The following SCARA3 variants were observed in gnomAD, a reference collection of about 807,000 sequenced individuals.
SCARA3 encodes the protein scavenger receptor class A member 3.
Under a neutral mutation model 47.0 loss-of-function variants are expected in SCARA3, and 39 were observed. The observed-to-expected ratio is 0.83, with a 90% confidence interval of 0.64 to 1.08. SCARA3 has a LOEUF of 1.08. Among genes scored for constraint, SCARA3 ranks in the 50% least tolerant of loss-of-function variants. The pLI is 0.00. For missense variants in SCARA3, 724 were observed against 792.3 expected (o/e 0.91, Z 1.04); for synonymous variants, 356 against 334.1 (o/e 1.07, Z -0.71).
chr8:27,672,139 T>C lies in SCARA3; in HGVS notation c.*788T>C, dbSNP rs1290538250. 2 of 985,338 alleles carry C rather than the reference T, an allele frequency of 2.0e-6. No homozygotes were observed. Among genetic ancestry groups the C allele is most frequent in the African/African-American group, 3.5e-5 (2 of 57,232 alleles). 61.0% of individuals were successfully genotyped at this position (985,338 alleles called of 1,614,324 possible). On this transcript the variant is annotated 3_prime_UTR_variant, in exon 6 of 6. Coordinates refer to ENST00000301904, the MANE Select transcript of SCARA3 (RefSeq NM_016240.3). ...GACCAGCATACCCGGGAGCTGTCCC[T>C]GTCTGTCACAGCACAGTGGGGCCAC...
rs1290093639 is a variant in SCARA3, at chr8:27,672,252, A to G, written c.*901A>G. 4.1e-6 allele frequency: 4 copies of G among 985,364 alleles called. No individual in the cohort carries two copies. The highest frequency in any genetic ancestry group is 4.8e-6 in the Non-Finnish European group (4 of 829,998). The allele number at this position is 985,364 out of a possible 1,614,324, so 61.0% of individuals were successfully genotyped here. On this transcript the variant is annotated 3_prime_UTR_variant, in exon 6 of 6. Coordinates refer to ENST00000301904, the MANE Select transcript of SCARA3 (RefSeq NM_016240.3). ...ACGTGTCCAGAAAATTCCTCAATTC[A>G]TCCTTGCCTCTGCCCTTCAGGAGCA...
At chr8:27,730,608 T>C in the SCARA3 span, among the ~76,000 whole-genome samples, 1 of 151,852 alleles carries the variant, frequency 6.6e-6, no homozygotes, top group Non-Finnish European at 1.5e-5. Flanking sequence ...CTCAGCCTCC[T>C]GCGTAGGTGG....
intron 5 of SCARA3, among the ~76,000 whole-genome samples, chr8:27,660,416 ATGATTGAT>A (rs370354010): frequency 6.6e-6 from 1 of 151,870 alleles, no homozygotes; most frequent in South Asian, 2.1e-4. Flanking sequence ...GGATATATAG[ATGATTGAT>A]TGATTGATTG....
chr8:27,724,021 C>T, the SCARA3 span, among the ~76,000 whole-genome samples: 1 of 152,348 alleles, frequency 6.6e-6, no homozygotes, highest in Non-Finnish European at 1.5e-5. Context: ...TAGGCGCAAG[C>T]CACTGCACCT....
intron 1 of SCARA3, among the ~76,000 whole-genome samples, chr8:27,634,467 C>A (rs1801206304): frequency 6.6e-6 from 1 of 152,170 alleles, no homozygotes; most frequent in South Asian, 2.1e-4. Context: ...TCTAACCTCA[C>A]AAATAATTTT....
chr8:27,660,827 AAGATAGCTAGCTAGCTAGATAGATAGAT>A (rs1327654058), intron 5 of SCARA3, among the ~76,000 whole-genome samples: 4 of 88,870 alleles, frequency 4.5e-5, no homozygotes, highest in Non-Finnish European at 7.7e-5. Context: ...ATATAGATAG[AAGATAGCTAGCTAGCTAGATAGATAGAT>A]AGATAGATAG....
chr8:27,641,469 G>A (rs1447023809), intron 1 of SCARA3, among the ~76,000 whole-genome samples: 2 of 152,234 alleles, frequency 1.3e-5, no homozygotes, highest in African/African-American at 4.8e-5. Context: ...CAGATGGCAG[G>A]ACTTGGCTGA....
the SCARA3 span, among the ~76,000 whole-genome samples, chr8:27,715,699 C>G: frequency 6.6e-6 from 1 of 151,966 alleles, no homozygotes; most frequent in Admixed American, 6.6e-5. The surrounding 1 kb of genome is among the most constrained non-coding windows in gnomAD (Gnocchi z 4.2). Flanking sequence ...TTGATAGACA[C>G]AGGCAGACAG....
At position 27,633,903 on chromosome 8, in the gene SCARA3, G is replaced by A. The variant is rs1801188241; in HGVS notation, c.-298G>A. 6 of 156,444 alleles carry A rather than the reference G, an allele frequency of 3.8e-5. No homozygotes were observed. In the South Asian group the frequency reaches 1.1e-3, roughly 28 times the overall value. 9.7% of individuals were successfully genotyped at this position (156,444 alleles called of 1,614,324 possible). A position where few individuals can be genotyped will look rare whatever the true frequency, so the allele number is the denominator to read the frequency against. On this transcript the variant is annotated 5_prime_UTR_variant, in exon 1 of 6. Coordinates refer to ENST00000301904, the MANE Select transcript of SCARA3 (RefSeq NM_016240.3). ...GTGCGCGGGGCGAGGGGCGGCGGCA[G>A]ACCTCGCGGGGCCCCAGCGGGAAGC...
chr8:27,648,944 G>A (rs1285028203), intron 1 of SCARA3, among the ~76,000 whole-genome samples: 1 of 151,848 alleles, frequency 6.6e-6, no homozygotes, highest in Non-Finnish European at 1.5e-5. Flanking sequence ...GGTAAGGAAA[G>A]GAGGGAGGAA....
intron 2 of SCARA3, 80 bp from the exon 3 acceptor site, chr8:27,651,428 G>A: frequency 6.5e-7 from 1 of 1,536,946 alleles, no homozygotes; most frequent in South Asian, 1.2e-5. Flanking sequence ...AGACAGACCA[G>A]AGCAGGAACA....
At chr8:27,679,666 C>T (rs1269418312), downstream of SCARA3, among the ~76,000 whole-genome samples, 1 of 152,154 alleles carries the variant, frequency 6.6e-6, no homozygotes, top group Non-Finnish European at 1.5e-5. Context: ...CCAGAACATA[C>T]ATTATTTTCA....
chr8:27,675,264 A>T (rs1039128776), downstream of SCARA3, among the ~76,000 whole-genome samples: 1 of 152,200 alleles, frequency 6.6e-6, no homozygotes, highest in African/African-American at 2.4e-5. Context: ...TACACCTGTC[A>T]AAACAGAGCC....
chr8:27,657,930 A>G (rs1339162952), intron 4 of SCARA3, among the ~76,000 whole-genome samples: 1 of 152,144 alleles, frequency 6.6e-6, no homozygotes, highest in Non-Finnish European at 1.5e-5. Flanking sequence ...AGGTCATGCC[A>G]CAATTCTTGA....
At chr8:27,675,891 C>T (rs190799666), downstream of SCARA3, among the ~76,000 whole-genome samples, 186 of 78,564 alleles carry the variant, frequency 2.4e-3, 3 homozygotes, top group East Asian at 0.057. Context: ...TGGGGCGGGA[C>T]GGGGTGTGGG....
At chr8:27,657,543 T>TC (rs1054943668) in intron 4 of SCARA3, among the ~76,000 whole-genome samples, 2 of 107,650 alleles carry the variant, frequency 1.9e-5, no homozygotes, top group African/African-American at 6.8e-5. Flanking sequence ...ATTCAACCTT[T>TC]TTTTTTTTTT....
intron 5 of SCARA3, among the ~76,000 whole-genome samples, chr8:27,667,784 G>A (rs1011581391): frequency 5.9e-5 from 9 of 152,202 alleles, no homozygotes; most frequent in African/African-American, 2.2e-4. Flanking sequence ...GCACCGAGCA[G>A]CTCCATCCGC....
the SCARA3 span, among the ~76,000 whole-genome samples, chr8:27,691,093 G>A: frequency 6.9e-4 from 105 of 152,306 alleles, 2 homozygotes; most frequent in South Asian, 0.021. Flanking sequence ...ATAGAAGGGA[G>A]AGCAACTTTT....
chr8:27,633,709 G>C (rs1458288999), upstream of SCARA3, among the ~76,000 whole-genome samples: 2 of 151,726 alleles, frequency 1.3e-5, no homozygotes, highest in African/African-American at 4.8e-5. Context: ...GGCGGGGCGC[G>C]GGGCCCCCGC....
Sources: allele counts gnomAD v4.1 joint callset (sites outside exome capture counted in the v4.1 genomes callset), GRCh38; gene constraint gnomAD v4.1.1; non-coding constraint Gnocchi (gnomAD v3.1); transcripts MANE v1.5; gene names NCBI Gene and HGNC (gene_info 2026-07-23, HGNC 2026-07-21).